Variants in CASP6 observed in about 807,000 individuals in gnomAD.
CASP6 encodes the protein caspase 6, also known as caspase-6.
Under a neutral mutation model 31.8 loss-of-function variants are expected in CASP6, and 20 were observed. The ratio of observed to expected loss-of-function variants is 0.63; its 90% CI spans 0.44 to 0.91. The LOEUF (loss-of-function observed/expected upper bound fraction) is 0.91. Ranked by LOEUF, CASP6 falls within the 40% of genes least tolerant of loss-of-function variation. CASP6 has a pLI of 0.00. For synonymous variants in CASP6, 130 were observed against 127.8 expected (o/e 1.02, Z -0.12); for missense variants, 328 against 361.1 (o/e 0.91, Z 0.74).
downstream of CASP6, chr4:109,684,713 G>A (rs1357527646): frequency 5.3e-6 from 4 of 750,066 alleles, no homozygotes; most frequent in South Asian, 1.8e-5. Flanking sequence ...TCTAAGCAAT[G>A]AGCAAAAAAG....
intron 1 of CASP6, 79 bp downstream of exon 1, chr4:109,703,277 G>C (rs908978006): frequency 2.6e-5 from 39 of 1,504,920 alleles, no homozygotes; most frequent in Admixed American, 2.1e-5. Context: ...CCGCGCGCCC[G>C]GTCCACTAAC....
At chr4:109,683,455 C>T in the CASP6 span, among the ~76,000 whole-genome samples, 1 of 152,170 alleles carries the variant, frequency 6.6e-6, no homozygotes, top group Non-Finnish European at 1.5e-5. Context: ...TTTTTCTTTA[C>T]TTGTAATATA....
intron 4 of CASP6, among the ~76,000 whole-genome samples, chr4:109,695,507 A>G (rs1333491460): frequency 1.3e-5 from 2 of 152,180 alleles, no homozygotes; most frequent in Non-Finnish European, 2.9e-5. Flanking sequence ...CTGGAATCCC[A>G]GCATTTTGGG....
chr4:109,696,386 CT>C (rs1730239813), intron 4 of CASP6, 23 bp downstream of exon 4: 4 of 1,558,344 alleles, frequency 2.6e-6, no homozygotes, highest in Admixed American at 1.7e-5. Flanking sequence ...GGAAGATGAA[CT>C]ATATGATAGC....
downstream of CASP6, chr4:109,685,393 TG>T (rs780074331): frequency 6.1e-6 from 6 of 986,160 alleles, no homozygotes; most frequent in African/African-American, 6.4e-5. Flanking sequence ...ATCTTATAGC[TG>T]GTTTGTTTGG....
the CASP6 span, among the ~76,000 whole-genome samples, chr4:109,681,800 G>A: frequency 7.2e-5 from 11 of 152,206 alleles, no homozygotes; most frequent in Non-Finnish European, 1.2e-4. Context: ...CTGCTACGGC[G>A]GCAAAACAGC....
At chr4:109,691,333 G>A (rs1300984894) in intron 5 of CASP6, among the ~76,000 whole-genome samples, 2 of 152,190 alleles carry the variant, frequency 1.3e-5, no homozygotes, top group East Asian at 3.9e-4. Context: ...CAGGGCACAC[G>A]GTGTTACCTT....
At chr4:109,676,564 A>C in the CASP6 span, among the ~76,000 whole-genome samples, 1 of 152,172 alleles carries the variant, frequency 6.6e-6, no homozygotes. Flanking sequence ...CTGCTCTTCC[A>C]AACTCTTCCA....
chr4:109,677,605 G>A, the CASP6 span, among the ~76,000 whole-genome samples: 5 of 152,164 alleles, frequency 3.3e-5, no homozygotes, highest in East Asian at 1.9e-4. Flanking sequence ...GATTAATGTC[G>A]TTATCATGGG....
chr4:109,682,962 A>G, the CASP6 span: 1 of 432,504 alleles, frequency 2.3e-6, no homozygotes, highest in Non-Finnish European at 4.1e-6. Context: ...CCTGGACTTG[A>G]GCTCACGTGG....
downstream of CASP6, chr4:109,684,736 C>A: frequency 1.5e-6 from 1 of 659,860 alleles, no homozygotes; most frequent in Non-Finnish European, 2.7e-6. Flanking sequence ...TTTTTATTTA[C>A]TGAATTACTG....
intron 1 of CASP6, among the ~76,000 whole-genome samples, chr4:109,700,600 T>C (rs1049483812): frequency 6.6e-6 from 1 of 152,008 alleles, no homozygotes; most frequent in Non-Finnish European, 1.5e-5. Context: ...TTTAAGTTTT[T>C]TGTTGTTGTT....
At chr4:109,670,312 A>C in the CASP6 span, among the ~76,000 whole-genome samples, 2 of 152,110 alleles carry the variant, frequency 1.3e-5, no homozygotes, top group Admixed American at 6.5e-5. Flanking sequence ...GGATGGTTAC[A>C]GGTTGCTGAA....
chr4:109,685,431 A>G (rs1018154781), downstream of CASP6: 35 of 700,208 alleles, frequency 5.0e-5, no homozygotes, highest in Admixed American at 8.3e-5. Context: ...TCAGGGAAGT[A>G]TAACTGGTGG....
At chr4:109,692,313 G>GT (rs1730081946) in intron 5 of CASP6, 1 of 152,112 alleles carries the variant, frequency 6.6e-6, no homozygotes, top group African/African-American at 2.4e-5. Flanking sequence ...TACTGAGGGC[G>GT]TGCTGTATGC....
upstream of CASP6, among the ~76,000 whole-genome samples, chr4:109,706,166 T>TATATAC (rs1730613289): frequency 1.1e-5 from 1 of 92,040 alleles, no homozygotes; most frequent in South Asian, 3.3e-4. Flanking sequence ...TATATATATA[T>TATATAC]ATATACACAC....
At chr4:109,666,145 C>T in the CASP6 span, among the ~76,000 whole-genome samples, 2 of 152,236 alleles carry the variant, frequency 1.3e-5, no homozygotes, top group Non-Finnish European at 2.9e-5. Flanking sequence ...TAGCTCATTT[C>T]CTTTTAGTGC....
At chr4:109,684,699 C>T, downstream of CASP6, 2 of 842,044 alleles carry the variant, frequency 2.4e-6, no homozygotes. Flanking sequence ...CAAAGAATGT[C>T]TTATCTAAGC....
downstream of CASP6, chr4:109,687,418 G>A: frequency 1.2e-6 from 1 of 803,466 alleles, no homozygotes; most frequent in South Asian, 1.5e-5. Flanking sequence ...TTTTATTGCT[G>A]TAAGGAGACG....
Sources: allele counts gnomAD v4.1 joint callset (sites outside exome capture counted in the v4.1 genomes callset), GRCh38; gene constraint gnomAD v4.1.1; transcripts MANE v1.5; gene names NCBI Gene and HGNC (gene_info 2026-07-23, HGNC 2026-07-21).